MPRIP: variants seen among roughly 807,000 people sequenced by gnomAD.
MPRIP encodes the protein myosin phosphatase Rho interacting protein.
In MPRIP, 59 loss-of-function variants were observed where a neutral mutation model predicts 234.9. The ratio of observed to expected loss-of-function variants is 0.25; its 90% CI spans 0.20 to 0.31. MPRIP has a LOEUF of 0.31. Ranked by LOEUF, MPRIP falls within the 10% of genes least tolerant of loss-of-function variation. The pLI, the probability that MPRIP is intolerant of heterozygous loss-of-function variation, is 1.00. For missense variants in MPRIP, 2,436 were observed against 3,071.0 expected (o/e 0.79, Z 4.89); for synonymous variants, 1,144 against 1,263.9 (o/e 0.91, Z 2.01).
intron 16 of MPRIP, chr17:17,171,200 G>A (rs138905524): frequency 0.022 from 3,448 of 153,746 alleles, 101 homozygotes; most frequent in Middle Eastern, 0.084. Flanking sequence ...GGGTTGAGAG[G>A]CTCCCAGCCC....
intron 12 of MPRIP, among the ~76,000 whole-genome samples, chr17:17,152,318 T>C (rs2045620950): frequency 6.6e-6 from 1 of 152,256 alleles, no homozygotes; most frequent in African/African-American, 2.4e-5. Context: ...ACCTCCCATC[T>C]TCATGAGCAG....
chr17:17,159,069 G>GC, intron 14 of MPRIP, 67 bp downstream of exon 14: 3 of 1,503,766 alleles, frequency 2.0e-6, no homozygotes, highest in Middle Eastern at 1.8e-4. Context: ...GCTGTGCCCA[G>GC]CTGTGGCCTG....
At chr17:17,077,690 AC>A in intron 2 of MPRIP, 2 of 325,882 alleles carry the variant, frequency 6.1e-6, no homozygotes, top group Non-Finnish European at 1.2e-5. Context: ...TATGCTGAGC[AC>A]CATCAGGAAT....
At chr17:17,070,905 G>C (rs2089176763) in intron 1 of MPRIP, among the ~76,000 whole-genome samples, 1 of 152,166 alleles carries the variant, frequency 6.6e-6, no homozygotes, top group Admixed American at 6.5e-5. Flanking sequence ...GTGCTTCCGT[G>C]GGGGAAGGGA....
chr17:17,052,725 C>T (rs900577327), intron 1 of MPRIP, among the ~76,000 whole-genome samples: 2 of 152,208 alleles, frequency 1.3e-5, no homozygotes, highest in African/African-American at 4.8e-5. Context: ...TCCTCAGCCT[C>T]GGGGTGCCCC....
Position 17,177,431 on chromosome 17 carries a change from C to A in MPRIP, c.7120+19C>A, listed in dbSNP as rs750754703. On this transcript the variant is annotated intron_variant, in intron 22 of 23. Coordinates refer to ENST00000651222, the MANE Select transcript of MPRIP (RefSeq NM_001364716.4). ...GGATATGGTGCGTCCTCGGGTCATG[C>A]CCTCTCGGTTATTGCTGGGGGGCTT... 3 of 1,607,664 alleles carry A rather than the reference C, an allele frequency of 1.9e-6. No homozygotes were observed. Among genetic ancestry groups the A allele is most frequent in the Non-Finnish European group, 2.6e-6 (3 of 1,175,682 alleles).
At chr17:17,051,562 G>T (rs2088541790) in intron 1 of MPRIP, among the ~76,000 whole-genome samples, 1 of 152,194 alleles carries the variant, frequency 6.6e-6, no homozygotes, top group South Asian at 2.1e-4. Context: ...GAGGGCCTTG[G>T]GTCATCTCTG....
chr17:17,056,161 T>C (rs966296119), intron 1 of MPRIP, among the ~76,000 whole-genome samples: 1 of 152,224 alleles, frequency 6.6e-6, no homozygotes, highest in African/African-American at 2.4e-5. Context: ...AGGGTGGGGC[T>C]GACCTCATTT....
At chr17:17,109,039 T>TTC (rs2090118114) in intron 3 of MPRIP, among the ~76,000 whole-genome samples, 2 of 152,250 alleles carry the variant, frequency 1.3e-5, no homozygotes, top group African/African-American at 4.8e-5. Flanking sequence ...TGAAGGGCCC[T>TTC]TAGCCCCCTT....
At chr17:17,056,740 G>A (rs1296423770) in intron 1 of MPRIP, among the ~76,000 whole-genome samples, 1 of 151,968 alleles carries the variant, frequency 6.6e-6, no homozygotes, top group East Asian at 1.9e-4. Flanking sequence ...CATTTCCATT[G>A]CTCCAAAAGA....
At chr17:17,093,252 G>A (rs975895156) in intron 3 of MPRIP, among the ~76,000 whole-genome samples, 8 of 152,288 alleles carry the variant, frequency 5.3e-5, no homozygotes, top group African/African-American at 1.2e-4. Flanking sequence ...AAGGATCTTC[G>A]CATAGTCCCT....
At chr17:17,107,798 A>G (rs1302602539) in intron 3 of MPRIP, among the ~76,000 whole-genome samples, 1 of 152,216 alleles carries the variant, frequency 6.6e-6, no homozygotes, top group Non-Finnish European at 1.5e-5. Context: ...GTTTCTCCCC[A>G]GCAGGTGATT....
At chr17:17,159,762 C>T (rs951506262) in intron 14 of MPRIP, among the ~76,000 whole-genome samples, 7 of 152,172 alleles carry the variant, frequency 4.6e-5, no homozygotes, top group Non-Finnish European at 7.3e-5. Flanking sequence ...CCCTGTTTCA[C>T]TCTCCATTTA....
At chr17:17,124,787 C>T (rs959800779) in intron 3 of MPRIP, among the ~76,000 whole-genome samples, 2 of 152,164 alleles carry the variant, frequency 1.3e-5, no homozygotes, top group African/African-American at 2.4e-5. Context: ...TCAGAGCAAC[C>T]CTTCATTTGC....
chr17:17,186,252 T>G lies in MPRIP; in HGVS notation c.*1358T>G, dbSNP rs973363803. On this transcript the variant is annotated 3_prime_UTR_variant, in exon 24 of 24. Transcript: ENST00000651222. ...GTGTTGGTGTGATGGTCTCTGTGGGTGGGTGGATGCTTTGGGCGTTGAAAT... is the reference window on the plus strand; with the variant it reads ...GTGTTGGTGTGATGGTCTCTGTGGGGGGGTGGATGCTTTGGGCGTTGAAAT... 2 of 152,122 alleles carry G rather than the reference T, an allele frequency of 1.3e-5. No homozygotes were observed. The highest frequency in any genetic ancestry group is 2.9e-5 in the Non-Finnish European group (2 of 68,050). 9.4% of individuals were successfully genotyped at this position (152,122 alleles called of 1,614,324 possible). A position where few individuals can be genotyped will look rare whatever the true frequency, so the allele number is the denominator to read the frequency against.
rs577402886 is a variant in MPRIP at position 17,137,851 on chromosome 17, A to G, written c.737-65A>G. 5.3e-5 allele frequency: 77 copies of G among 1,451,852 alleles called. 2 individuals are homozygous for G. The Admixed American group carries it at 1.6e-3, about 30-fold the overall frequency. The allele number at this position is 1,451,852 out of a possible 1,614,324, so 89.9% of individuals were successfully genotyped here. A position where few individuals can be genotyped will look rare whatever the true frequency, so the allele number is the denominator to read the frequency against. ...GGATCCTACATGGGCTTTAAAAAAA[A>G]AAGTCCTCAAAGCAAAGCTGCCAGC... On this transcript the variant is annotated intron_variant, in intron 6 of 23. Transcript: ENST00000651222.
chr17:17,138,693 T>C lies in MPRIP; in HGVS notation c.1250+264T>C, dbSNP rs1289292256. ...TCAGTGCCTCCTAGGACTGGGACCT[T>C]AAGGTTCCCTGATGGGTTCTCAGCT... On this transcript the variant is annotated intron_variant, in intron 7 of 23. Coordinates refer to ENST00000651222, the MANE Select transcript of MPRIP (RefSeq NM_001364716.4). This position sits in a 1 kb window ranked among gnomAD's most constrained non-coding sequence, Gnocchi z 5.8. Among the ~76,000 whole-genome samples the C allele has an allele frequency of 1.3e-5, 2 of 152,172 alleles. No individual in the cohort carries two copies. The highest frequency in any genetic ancestry group is 2.9e-5 in the Non-Finnish European group (2 of 68,024).
At chr17:17,043,057 T>A in intron 1 of MPRIP, 86 bp downstream of exon 1, 1 of 1,337,912 alleles carries the variant, frequency 7.5e-7, no homozygotes, top group Non-Finnish European at 1.0e-6. Context: ...GCAGGGAAAA[T>A]AAAAATGGAG....
At chr17:17,060,960 G>C (rs909952754) in intron 1 of MPRIP, among the ~76,000 whole-genome samples, 7 of 152,200 alleles carry the variant, frequency 4.6e-5, no homozygotes, top group African/African-American at 1.7e-4. Flanking sequence ...ACAAGCCTGT[G>C]GCCTCTTGAG....
Sources: allele counts gnomAD v4.1 joint callset (sites outside exome capture counted in the v4.1 genomes callset), GRCh38; gene constraint gnomAD v4.1.1; non-coding constraint Gnocchi (gnomAD v3.1); transcripts MANE v1.5; gene names NCBI Gene and HGNC (gene_info 2026-07-23, HGNC 2026-07-21).